Variants in MNAT1 observed in about 807,000 individuals in gnomAD.
MNAT1 encodes the protein MNAT1 component of CDK activating kinase.
In MNAT1, 43 loss-of-function variants were observed where a neutral mutation model predicts 42.0. The observed-to-expected ratio is 1.02, with a 90% confidence interval of 0.80 to 1.32. MNAT1 has a LOEUF of 1.32. Among genes scored for constraint, MNAT1 ranks in the 40% most tolerant of loss-of-function variants. MNAT1 has a pLI of 0.00. For synonymous variants in MNAT1, 118 were observed against 120.0 expected, an observed-to-expected ratio of 0.98 and a Z score of 0.11; for missense variants, 306 against 350.4, an observed-to-expected ratio of 0.87 and a Z score of 1.01.
chr14:60,885,156 A>G (rs1055414422), intron 7 of MNAT1, among the ~76,000 whole-genome samples: 2 of 151,702 alleles, frequency 1.3e-5, no homozygotes, highest in Admixed American at 1.3e-4. Context: ...GCTTTGAGGT[A>G]TTCTTTTTTG....
At chr14:60,901,092 A>G (rs2035063894) in intron 7 of MNAT1, among the ~76,000 whole-genome samples, 3 of 146,232 alleles carry the variant, frequency 2.1e-5, no homozygotes, top group African/African-American at 7.5e-5. Context: ...CTCTCTTTTT[A>G]GGAGCAAATG....
rs553608022 is a variant in MNAT1 at position 60,826,871 on chromosome 14, C to A, written c.687+8024C>A. Among the ~76,000 whole-genome samples, 31 of 152,124 alleles carry A rather than the reference C, an allele frequency of 2.0e-4. No homozygotes were observed. In the East Asian group the frequency reaches 5.8e-3, roughly 28 times the overall value. On this transcript the variant is annotated intron_variant, in intron 6 of 7. Transcript: ENST00000261245. Reference sequence around the variant, plus strand: ...ATTCTTAGTTGAACCAGTGAACAGACCTCAAAGTTTTTTTTTTCCCTGATT... The same window carrying A: ...ATTCTTAGTTGAACCAGTGAACAGAACTCAAAGTTTTTTTTTTCCCTGATT...
intron 6 of MNAT1, among the ~76,000 whole-genome samples, chr14:60,869,637 C>T (rs953569882): frequency 6.6e-6 from 1 of 152,068 alleles, no homozygotes; most frequent in Non-Finnish European, 1.5e-5. Flanking sequence ...ATCATTTAAC[C>T]TATCGGCCTA....
At chr14:60,947,722 T>A (rs1040125709) in intron 7 of MNAT1, among the ~76,000 whole-genome samples, 1 of 152,144 alleles carries the variant, frequency 6.6e-6, no homozygotes, top group Non-Finnish European at 1.5e-5. Context: ...CTAGATTTAT[T>A]TTTTAGTTAG....
At position 60,773,003 on chromosome 14, in the gene MNAT1, G is replaced by A. The variant is rs138290458; in HGVS notation, c.90-23214G>A. The stretch of plus-strand genomic sequence containing the variant: ...GGTTGGAGTGCAGTGGCGTGATCTC[G>A]GCTCACTGACTGCAACCTCTGACTC... On this transcript the variant is annotated intron_variant, in intron 1 of 7. Transcript: ENST00000261245. 2.0e-4 allele frequency among the ~76,000 whole-genome samples: 30 copies of A among 151,036 alleles called. No homozygotes were observed. In the East Asian group the frequency reaches 4.9e-3, roughly 24 times the overall value.
chr14:60,914,126 G>C (rs556411940), intron 7 of MNAT1, among the ~76,000 whole-genome samples: 1 of 152,244 alleles, frequency 6.6e-6, no homozygotes, highest in Non-Finnish European at 1.5e-5. Context: ...CTCCGAGCCT[G>C]GTGCAGGATA....
chr14:60,945,083 T>G (rs1247576107), intron 7 of MNAT1, among the ~76,000 whole-genome samples: 2 of 152,216 alleles, frequency 1.3e-5, no homozygotes, highest in Admixed American at 6.5e-5. Flanking sequence ...TCAAAGCTAC[T>G]AAGAACCACT....
At chr14:60,859,098 ACTGT>A (rs1159439496) in intron 6 of MNAT1, among the ~76,000 whole-genome samples, 1 of 152,168 alleles carries the variant, frequency 6.6e-6, no homozygotes, top group Non-Finnish European at 1.5e-5. Context: ...TGAGATTATT[ACTGT>A]GTTTGTGTGC....
chr14:60,756,455 A>G (rs1012314730), intron 1 of MNAT1, among the ~76,000 whole-genome samples: 3 of 152,200 alleles, frequency 2.0e-5, no homozygotes, highest in South Asian at 2.1e-4. Flanking sequence ...TCCCATTACT[A>G]AGGAGGCTGA....
chr14:60,938,680 G>C (rs555503515), intron 7 of MNAT1, among the ~76,000 whole-genome samples: 1 of 152,232 alleles, frequency 6.6e-6, no homozygotes, highest in South Asian at 2.1e-4. Flanking sequence ...CAGGGATATT[G>C]GTCTAAAATT....
chr14:60,945,343 G>A (rs2139596315), intron 7 of MNAT1, among the ~76,000 whole-genome samples: 1 of 151,412 alleles, frequency 6.6e-6, no homozygotes, highest in South Asian at 2.1e-4. Flanking sequence ...TCTATCCAGA[G>A]CCCTTTGCCA....
At chr14:60,837,539 A>G (rs2033427905) in intron 6 of MNAT1, among the ~76,000 whole-genome samples, 1 of 152,154 alleles carries the variant, frequency 6.6e-6, no homozygotes, top group Admixed American at 6.5e-5. Context: ...CTCACCCTCC[A>G]TGGGCTGCAC....
chr14:60,799,117 C>T (rs577359171), intron 3 of MNAT1: 1 of 377,936 alleles, frequency 2.6e-6, no homozygotes, highest in Non-Finnish European at 3.6e-6. Context: ...AAACTTTTCT[C>T]ATATGTCTAA....
chr14:60,799,342 C>T (rs1207494916), intron 3 of MNAT1: 1 of 985,098 alleles, frequency 1.0e-6, no homozygotes, highest in Non-Finnish European at 1.2e-6. Context: ...AGAATGTAGA[C>T]TGAGAAGAAA....
At chr14:60,874,676 A>T in intron 6 of MNAT1, among the ~76,000 whole-genome samples, 1 of 152,244 alleles carries the variant, frequency 6.6e-6, no homozygotes, top group South Asian at 2.1e-4. Context: ...AATATAACTT[A>T]TAATTAGTAT....
intron 7 of MNAT1, among the ~76,000 whole-genome samples, chr14:60,892,590 A>C (rs1338731153): frequency 6.6e-6 from 1 of 152,094 alleles, no homozygotes; most frequent in Non-Finnish European, 1.5e-5. Context: ...TAATTAAGCC[A>C]CATTTAAAGT....
intron 7 of MNAT1, among the ~76,000 whole-genome samples, chr14:60,958,222 G>T (rs2036520387): frequency 6.6e-6 from 1 of 152,146 alleles, no homozygotes; most frequent in Non-Finnish European, 1.5e-5. Context: ...GTCTAATAGT[G>T]ATGAACTCCC....
chr14:60,888,584 G>A (rs2034746183), intron 7 of MNAT1, among the ~76,000 whole-genome samples: 1 of 151,416 alleles, frequency 6.6e-6, no homozygotes, highest in Admixed American at 6.6e-5. Context: ...CATAGTGTTG[G>A]AAGTTCTGGC....
intron 7 of MNAT1, among the ~76,000 whole-genome samples, chr14:60,936,827 T>C (rs1408867776): frequency 6.6e-6 from 1 of 152,148 alleles, no homozygotes; most frequent in African/African-American, 2.4e-5. Flanking sequence ...GTTGAACTAG[T>C]TTACAGTCCC....
Sources: allele counts gnomAD v4.1 joint callset (sites outside exome capture counted in the v4.1 genomes callset), GRCh38; gene constraint gnomAD v4.1.1; transcripts MANE v1.5; gene names NCBI Gene and HGNC (gene_info 2026-07-23, HGNC 2026-07-21).